The following PTPRK variants were observed in gnomAD, a reference collection of about 807,000 sequenced individuals.
PTPRK encodes protein tyrosine phosphatase receptor type K, also known as receptor-type tyrosine-protein phosphatase kappa.
In PTPRK, 75 loss-of-function variants were observed where a neutral mutation model predicts 178.0. That is an observed-to-expected ratio of 0.42 (90% CI 0.35 to 0.51). The LOEUF (loss-of-function observed/expected upper bound fraction) is 0.51. PTPRK is among the 20% of genes least tolerant of loss of function. The probability of loss-of-function intolerance (pLI) is 0.02; values close to 1 mark genes in which losing one functional copy is unlikely to be tolerated. For missense variants in PTPRK, 1,441 were observed against 1,797.8 expected, an observed-to-expected ratio of 0.80 and a Z score of 3.59; for synonymous variants, 637 against 620.6, an observed-to-expected ratio of 1.03 and a Z score of -0.39.
intron 2 of PTPRK, among the ~76,000 whole-genome samples, chr6:128,334,340 G>A (rs1042261001): frequency 6.6e-6 from 1 of 152,154 alleles, no homozygotes; most frequent in Non-Finnish European, 1.5e-5. Context: ...GCCTGTAGCT[G>A]TACTGAATGA....
intron 7 of PTPRK, among the ~76,000 whole-genome samples, chr6:128,094,720 C>T (rs1257199639): frequency 2.6e-5 from 4 of 152,084 alleles, no homozygotes; most frequent in Non-Finnish European, 4.4e-5. Context: ...TTTTAGATAA[C>T]TTGGAGAGCA....
chr6:128,366,022 G>A (rs1176909636), intron 2 of PTPRK, among the ~76,000 whole-genome samples: 1 of 152,098 alleles, frequency 6.6e-6, no homozygotes, highest in South Asian at 2.1e-4. Context: ...CAGTCACAGG[G>A]AATGAACTAT....
At chr6:128,250,891 C>T (rs1816355369) in intron 3 of PTPRK, among the ~76,000 whole-genome samples, 1 of 152,196 alleles carries the variant, frequency 6.6e-6, no homozygotes, top group African/African-American at 2.4e-5. Context: ...GTTACTGTCA[C>T]TCACTGTAGC....
rs114119795 is a variant in PTPRK, at chr6:128,151,696, T to C, written c.1162+32736A>G. 4.3e-3 allele frequency among the ~76,000 whole-genome samples: 660 copies of C among 152,096 alleles called. 4 individuals are homozygous for C. Among genetic ancestry groups the C allele is most frequent in the African/African-American group, 0.015 (633 of 41,512 alleles). On this transcript the variant is annotated intron_variant, in intron 7 of 29. Transcript: ENST00000368226. ...ACAAAGGCTTCCACTGTAGAGAACG[T>C]GGTATCTTAGGAAAATTAGATTTAA...
intron 2 of PTPRK, among the ~76,000 whole-genome samples, chr6:128,356,816 C>T (rs1834025621): frequency 6.6e-6 from 1 of 152,170 alleles, no homozygotes; most frequent in African/African-American, 2.4e-5. Flanking sequence ...CTATTTTATT[C>T]ATTCTATGTC....
At chr6:128,106,053 C>T (rs147236141) in intron 7 of PTPRK, among the ~76,000 whole-genome samples, 40 of 152,210 alleles carry the variant, frequency 2.6e-4, no homozygotes, top group South Asian at 4.1e-4. Flanking sequence ...TAACTTAGTG[C>T]AAGTTACTTA....
At chr6:128,094,390 C>T (rs536120267) in intron 7 of PTPRK, among the ~76,000 whole-genome samples, 12 of 152,194 alleles carry the variant, frequency 7.9e-5, no homozygotes, top group African/African-American at 1.7e-4. Context: ...AGCAGGAACA[C>T]GCAGGATAGG....
At chr6:128,359,213 TGCCGAG>T in intron 2 of PTPRK, among the ~76,000 whole-genome samples, 1 of 143,990 alleles carries the variant, frequency 6.9e-6, no homozygotes, top group East Asian at 2.3e-4. Flanking sequence ...CACTTTGGGA[TGCCGAG>T]GTGGGTGGAT....
At chr6:128,103,677 C>T (rs1179074697) in intron 7 of PTPRK, among the ~76,000 whole-genome samples, 1 of 152,144 alleles carries the variant, frequency 6.6e-6, no homozygotes, top group Non-Finnish European at 1.5e-5. Context: ...CTTTTTTTCC[C>T]CCTGCATGAT....
chr6:128,383,183 T>A (rs182847062), intron 2 of PTPRK, among the ~76,000 whole-genome samples: 4 of 152,320 alleles, frequency 2.6e-5, no homozygotes, highest in Admixed American at 1.3e-4. Flanking sequence ...AAATCAGTGC[T>A]TATTACATAA....
rs149824101 is a variant in PTPRK at position 127,970,024 on chromosome 6, C to A, written c.*203G>T. On this transcript the variant is annotated 3_prime_UTR_variant, in exon 30 of 30. Coordinates refer to ENST00000368226, the MANE Select transcript of PTPRK (RefSeq NM_002844.4). ...ATTTATGTGGCATGAAATGTTGATGCTTTAATATAGTAATAAAAACTAATT... is the reference window on the plus strand; with the variant it reads ...ATTTATGTGGCATGAAATGTTGATGATTTAATATAGTAATAAAAACTAATT... 5.8e-4 allele frequency: 274 copies of A among 473,326 alleles called. No homozygotes were observed. Among genetic ancestry groups the A allele is most frequent in the African/African-American group, 4.6e-3 (227 of 49,872 alleles). 29.3% of individuals were successfully genotyped at this position (473,326 alleles called of 1,614,324 possible). A position where few individuals can be genotyped will look rare whatever the true frequency, so the allele number is the denominator to read the frequency against.
At chr6:127,988,637 ATTT>A (rs1776246585) in intron 21 of PTPRK, among the ~76,000 whole-genome samples, 1 of 152,056 alleles carries the variant, frequency 6.6e-6, no homozygotes, top group Non-Finnish European at 1.5e-5. Flanking sequence ...TAAAAGTTAT[ATTT>A]TTAAGTTTAT....
At chr6:128,403,422 CACAGCCTGGAG>C (rs1338938808) in intron 1 of PTPRK, among the ~76,000 whole-genome samples, 1 of 152,136 alleles carries the variant, frequency 6.6e-6, no homozygotes, top group Non-Finnish European at 1.5e-5. Context: ...TATATCTAGA[CACAGCCTGGAG>C]TAATGGCTAA....
At chr6:127,995,872 C>T (rs191483691) in intron 17 of PTPRK, among the ~76,000 whole-genome samples, 11 of 152,062 alleles carry the variant, frequency 7.2e-5, no homozygotes, top group East Asian at 1.9e-4. Context: ...TGACTTTAAA[C>T]GGGTTGGATC....
At chr6:128,170,200 C>T (rs1800031643) in intron 7 of PTPRK, among the ~76,000 whole-genome samples, 1 of 152,040 alleles carries the variant, frequency 6.6e-6, no homozygotes, top group African/African-American at 2.4e-5. Context: ...TGAATACTGC[C>T]TGTGGGAGCC....
intron 6 of PTPRK, among the ~76,000 whole-genome samples, chr6:128,206,536 G>A (rs1023409036): frequency 2.0e-5 from 3 of 151,700 alleles, no homozygotes; most frequent in South Asian, 2.1e-4. Context: ...GTTAAAACTC[G>A]CTGTAGATAA....
intron 1 of PTPRK, among the ~76,000 whole-genome samples, chr6:128,471,279 G>C (rs1850615910): frequency 6.6e-6 from 1 of 151,904 alleles, no homozygotes; most frequent in Non-Finnish European, 1.5e-5. Context: ...TATAAGTACT[G>C]TGAGATTCTT....
chr6:128,308,507 C>T (rs1826776575), intron 3 of PTPRK, among the ~76,000 whole-genome samples: 1 of 151,504 alleles, frequency 6.6e-6, no homozygotes, highest in Non-Finnish European at 1.5e-5. Context: ...AAAAAACGAT[C>T]AAAAAAGTTT....
At chr6:128,390,663 C>G (rs902350736) in intron 2 of PTPRK, among the ~76,000 whole-genome samples, 1 of 152,142 alleles carries the variant, frequency 6.6e-6, no homozygotes, top group Non-Finnish European at 1.5e-5. Context: ...ATTAGACAGA[C>G]AGATTTAAGT....
Sources: allele counts gnomAD v4.1 joint callset (sites outside exome capture counted in the v4.1 genomes callset), GRCh38; gene constraint gnomAD v4.1.1; transcripts MANE v1.5; gene names NCBI Gene and HGNC (gene_info 2026-07-23, HGNC 2026-07-21).